Variants in ANK2 observed in about 807,000 individuals in gnomAD.
The protein encoded by ANK2 is ankyrin-2.
ANK2 carries 83 observed loss-of-function variants against 360.5 expected under a neutral mutation model. The ratio of observed to expected loss-of-function variants is 0.23; its 90% confidence interval spans 0.19 to 0.28. The LOEUF is 0.28. Ranked by LOEUF, ANK2 falls within the 10% of genes least tolerant of loss-of-function variation. The pLI, the probability that ANK2 is intolerant of heterozygous loss-of-function variation, is 1.00. For missense variants in ANK2, 4,201 were observed against 4,795.7 expected, an observed-to-expected ratio of 0.88 and a Z score of 3.66; for synonymous variants, 1,740 against 1,759.5, an observed-to-expected ratio of 0.99 and a Z score of 0.28.
At chr4:113,003,002 A>G (rs1197529627) in intron 2 of ANK2, among the ~76,000 whole-genome samples, 1 of 152,180 alleles carries the variant, frequency 6.6e-6, no homozygotes, top group Non-Finnish European at 1.5e-5. Flanking sequence ...TTATGCAACC[A>G]TCTGCCATGG....
chr4:113,041,657 T>C (rs1415888000), intron 2 of ANK2, among the ~76,000 whole-genome samples: 1 of 152,152 alleles, frequency 6.6e-6, no homozygotes, highest in Admixed American at 6.6e-5. Flanking sequence ...TATGTAATAA[T>C]GATTAGGTAT....
chr4:113,303,210 TAAGTA>T, intron 23 of ANK2, among the ~76,000 whole-genome samples: 1 of 152,332 alleles, frequency 6.6e-6, no homozygotes, highest in South Asian at 2.1e-4. Flanking sequence ...CAAATGACTT[TAAGTA>T]AAGACTTTAA....
chr4:113,122,499 G>T (rs994659294), intron 1 of ANK2, among the ~76,000 whole-genome samples: 1 of 152,074 alleles, frequency 6.6e-6, no homozygotes, highest in Non-Finnish European at 1.5e-5. Flanking sequence ...TTTAAAACCT[G>T]CATGGAATTG....
chr4:113,372,447 C>A, intron 43 of ANK2: 1 of 830,270 alleles, frequency 1.2e-6, no homozygotes. Flanking sequence ...AAAAGTTTCA[C>A]AATACAATGT....
intron 2 of ANK2, among the ~76,000 whole-genome samples, chr4:112,948,572 C>T (rs1167684853): frequency 6.6e-6 from 1 of 152,120 alleles, no homozygotes; most frequent in Non-Finnish European, 1.5e-5. Flanking sequence ...ACACAGAAAA[C>T]TTTTTATTTT....
chr4:113,242,231 A>G (rs1164926810), intron 9 of ANK2, 22 bp downstream of exon 9: 3 of 1,590,382 alleles, frequency 1.9e-6, no homozygotes, highest in African/African-American at 1.3e-5. Context: ...TGTTCTTTCA[A>G]TTTTCTACCA....
the ANK2 span, among the ~76,000 whole-genome samples, chr4:112,737,833 G>A: frequency 3.3e-5 from 5 of 152,108 alleles, no homozygotes; most frequent in Non-Finnish European, 5.9e-5. Flanking sequence ...GAAGCTCAAG[G>A]TTTCTTAAGA....
At chr4:113,026,242 T>G (rs750803648) in intron 2 of ANK2, among the ~76,000 whole-genome samples, 4 of 152,166 alleles carry the variant, frequency 2.6e-5, no homozygotes, top group Non-Finnish European at 5.9e-5. Context: ...ATTGACAGAC[T>G]GGAGTTTTCA....
rs148462839 is a variant in ANK2 at position 113,359,149 on chromosome 4, C to T, written c.10531C>T (p.Leu3511=). 5.3e-4 allele frequency: 848 copies of T among 1,613,630 alleles called. 1 individual carries two copies. The highest frequency in any genetic ancestry group is 6.6e-4 in the Non-Finnish European group (782 of 1,179,658). The change falls in exon 38 of 46, where the codon CTG becomes TTG. Residue 3511 remains leucine, a synonymous_variant. Coordinates refer to ENST00000357077, the MANE Select transcript of ANK2 (RefSeq NM_001148.6). ...IVSDDESSSA[L]EVSVIENLPP... is the part of the protein sequence containing the mutation. ...TTCAGACGATGAAAGTAGTAGTGCC[C>T]TGGAAGTATCAGTAATTGAAAATCT...
At chr4:113,350,181 C>T (rs1302610560) in intron 36 of ANK2, 47 bp from the exon 37 acceptor site, 5 of 1,580,384 alleles carry the variant, frequency 3.2e-6, no homozygotes, top group East Asian at 2.3e-5. Context: ...GGGCTATGAG[C>T]CAAGGCAGTA....
At chr4:113,348,655 T>G (rs1268332061) in intron 36 of ANK2, among the ~76,000 whole-genome samples, 2 of 152,120 alleles carry the variant, frequency 1.3e-5, no homozygotes, top group African/African-American at 2.4e-5. Flanking sequence ...AATTTTTAAT[T>G]AAATGTCTTA....
chr4:113,019,497 A>G (rs1400390875), intron 2 of ANK2, among the ~76,000 whole-genome samples: 2 of 152,228 alleles, frequency 1.3e-5, no homozygotes, highest in African/African-American at 2.4e-5. Flanking sequence ...GTTTTTGACT[A>G]ATAAGTAAAT....
At chr4:112,750,682 G>A in the ANK2 span, among the ~76,000 whole-genome samples, 2 of 152,018 alleles carry the variant, frequency 1.3e-5, no homozygotes, top group African/African-American at 4.8e-5. Flanking sequence ...AGGCAGAGCA[G>A]CCCCAAGGGC....
chr4:113,365,326 TC>T, intron 41 of ANK2, 144 bp downstream of exon 41: 1 of 879,930 alleles, frequency 1.1e-6, no homozygotes, highest in Non-Finnish European at 1.8e-6. Flanking sequence ...TATGTTCTTT[TC>T]CTTGCTACCC....
intron 2 of ANK2, among the ~76,000 whole-genome samples, chr4:112,991,660 TC>T (rs1319492692): frequency 2.6e-5 from 4 of 151,056 alleles, no homozygotes; most frequent in Non-Finnish European, 5.9e-5. Flanking sequence ...CTGAGAATTT[TC>T]CAAATCTTCA....
At chr4:112,871,316 G>T (rs148200378) in intron 1 of ANK2, among the ~76,000 whole-genome samples, 25 of 152,170 alleles carry the variant, frequency 1.6e-4, no homozygotes, top group African/African-American at 6.0e-4. Flanking sequence ...CTCCCAAGAG[G>T]CTGGGACTAT....
chr4:112,956,102 C>G (rs746245751), intron 2 of ANK2, among the ~76,000 whole-genome samples: 1 of 152,150 alleles, frequency 6.6e-6, no homozygotes, highest in African/African-American at 2.4e-5. Flanking sequence ...CAGATAGTAC[C>G]AACCAATTGC....
chr4:112,845,701 A>G (rs2063137263), intron 1 of ANK2, among the ~76,000 whole-genome samples: 1 of 152,212 alleles, frequency 6.6e-6, no homozygotes, highest in East Asian at 1.9e-4. Context: ...TGTGGGTTTA[A>G]TATTGCCATC....
intron 15 of ANK2, among the ~76,000 whole-genome samples, chr4:113,275,089 C>T (rs1240236443): frequency 2.0e-5 from 3 of 152,126 alleles, no homozygotes; most frequent in Admixed American, 6.5e-5. Flanking sequence ...TGTACATTTT[C>T]GCAACCCTAC....
Sources: gnomAD v4.1 joint callset for allele counts (sites outside exome capture counted in the v4.1 genomes callset) on GRCh38, gnomAD v4.1.1 for gene constraint, MANE v1.5 for transcripts, NCBI Gene and HGNC (gene_info 2026-07-23, HGNC 2026-07-21) for gene names.